MTMR4: variants seen among roughly 807,000 people sequenced by gnomAD.
MTMR4 encodes the protein phosphatidylinositol-3,5-bisphosphate 3-phosphatase MTMR4.
A neutral mutation model predicts 125.5 loss-of-function variants in MTMR4; 30 were observed. The ratio of observed to expected loss-of-function variants is 0.24; its 90% CI spans 0.18 to 0.32. MTMR4 has a LOEUF of 0.32. Among genes scored for constraint, MTMR4 ranks in the 10% least tolerant of loss-of-function variants. The pLI is 1.00. For synonymous variants in MTMR4, 498 were observed against 564.5 expected (o/e 0.88, Z 1.67); for missense variants, 1,039 against 1,511.5 (o/e 0.69, Z 5.18).
chr17:58,505,040 C>G, intron 10 of MTMR4, 66 bp from the exon 11 acceptor site: 1 of 1,444,872 alleles, frequency 6.9e-7, no homozygotes, highest in Non-Finnish European at 9.3e-7. Flanking sequence ...TCTCCACCAT[C>G]CACAGCCAGC....
intron 3 of MTMR4, 108 bp from the exon 4 acceptor site, chr17:58,511,619 T>A (rs1363246587): frequency 1.0e-5 from 9 of 864,060 alleles, no homozygotes; most frequent in Non-Finnish European, 1.7e-5. Flanking sequence ...AAACCAACAT[T>A]TACTGAGGGT....
At chr17:58,492,407 G>A (rs1598209656) in intron 17 of MTMR4, 104 bp downstream of exon 17, 2 of 947,718 alleles carry the variant, frequency 2.1e-6, no homozygotes, top group Admixed American at 2.1e-5. Flanking sequence ...CTCACCTCAT[G>A]ATCCGCCTGC....
At chr17:58,516,588 C>G (rs778342189), upstream of MTMR4, 13 of 1,614,118 alleles carry the variant, frequency 8.1e-6, no homozygotes, top group South Asian at 1.1e-5. Context: ...ACCATTCTAC[C>G]GTGGCAAGGG....
intron 4 of MTMR4, among the ~76,000 whole-genome samples, chr17:58,509,286 A>G (rs1975863207): frequency 1.3e-5 from 2 of 151,366 alleles, no homozygotes; most frequent in South Asian, 4.2e-4. Flanking sequence ...CTCTCTGCCT[A>G]GCCACATCCT....
At position 58,491,536 on chromosome 17, in the gene MTMR4, G is replaced by C; in HGVS notation, c.*127C>G. On this transcript the variant is annotated 3_prime_UTR_variant, in exon 18 of 18. Transcript: ENST00000682306. ...TGCTCCAGTTTCATGATACCAAGGA[G>C]GATTTCTCAAGATGGTATCTCTGAG... The C allele has an allele frequency of 1.0e-6, 1 of 972,864 alleles. No homozygotes were observed. The allele number at this position is 972,864 out of a possible 1,614,324, so 60.3% of individuals were successfully genotyped here.
At chr17:58,500,180 G>A (rs1975583333) in intron 14 of MTMR4, among the ~76,000 whole-genome samples, 2 of 152,222 alleles carry the variant, frequency 1.3e-5, no homozygotes, top group South Asian at 4.1e-4. Context: ...AGGCTGGAGT[G>A]CAATGGCATG....
At chr17:58,496,423 A>G in intron 14 of MTMR4, 93 bp from the exon 15 acceptor site, 1 of 1,067,620 alleles carries the variant, frequency 9.4e-7, no homozygotes, top group Non-Finnish European at 1.3e-6. Flanking sequence ...TCAAAGCCAG[A>G]GTTTAGAAAT....
upstream of MTMR4, among the ~76,000 whole-genome samples, chr17:58,518,106 C>T (rs919173040): frequency 5.9e-5 from 9 of 152,296 alleles, no homozygotes; most frequent in Admixed American, 1.3e-4. Context: ...AGGAAGGAGG[C>T]GCGGCGCCGG....
Position 58,508,301 on chromosome 17 carries a change from T to C in MTMR4, c.594-27A>G, listed in dbSNP as rs779395430. 34 of 1,598,366 alleles carry C rather than the reference T, an allele frequency of 2.1e-5. 1 individual carries two copies. Among genetic ancestry groups the C allele is most frequent in the Non-Finnish European group, 2.2e-5 (26 of 1,165,830 alleles). On this transcript the variant is annotated intron_variant, in intron 6 of 17. Transcript: ENST00000682306. This position sits in a 1 kb window ranked among gnomAD's most constrained non-coding sequence, Gnocchi z 4.8. ...TGAGAAGAGACCAGGTGGGGGTCAC[T>C]GCACTGGGTCTAAAACATGTGATGA... is the stretch of plus-strand genomic sequence containing the variant.
In MTMR4 at chr17:58,512,305, T is replaced by C. The variant is rs1708645751; in HGVS notation, c.252+85A>G. The C allele has an allele frequency of 1.6e-6, 2 of 1,226,432 alleles. No individual in the cohort carries two copies. Among genetic ancestry groups the C allele is most frequent in the South Asian group, 1.2e-5 (1 of 80,930 alleles). 76.0% of individuals were successfully genotyped at this position (1,226,432 alleles called of 1,614,324 possible). On this transcript the variant is annotated intron_variant, in intron 3 of 17. Transcript: ENST00000682306. The surrounding 1 kb of genome is among the most constrained non-coding windows in gnomAD (Gnocchi z 4.1). The stretch of plus-strand genomic sequence containing the variant: ...CCGGCCTCCAACTTTTTTAATGACA[T>C]GATCAAGGACAGCCTTGGAACAATC...
chr17:58,504,004 C>A lies in MTMR4; in HGVS notation c.1698+46G>T. On this transcript the variant is annotated intron_variant, in intron 13 of 17. Coordinates refer to ENST00000682306, the MANE Select transcript of MTMR4 (RefSeq NM_001378067.1). This position sits in a 1 kb window ranked among gnomAD's most constrained non-coding sequence, Gnocchi z 7.1. ...TCCCTACTGACTCAGCTGCTTCTCC[C>A]TATAGGTTTCTAAATAGCACCTACA... 1 of 1,539,254 alleles carries A rather than the reference C, an allele frequency of 6.5e-7. No homozygotes were observed. The highest frequency in any genetic ancestry group is 1.3e-5 in the South Asian group (1 of 78,364).
Position 58,503,755 on chromosome 17 carries a change from G to A in MTMR4, c.1842C>T (p.Arg614=), listed in dbSNP as rs1336690437. ...PVAQSQEFSG[R]SLDRLPKTRS... Reference sequence around the variant, plus strand: ...AGGGCTTTTCTTACCTGTCCAGAGAGCGGCCAGAGAACTCCTGGCTCTGGG... The same window carrying A: ...AGGGCTTTTCTTACCTGTCCAGAGAACGGCCAGAGAACTCCTGGCTCTGGG... The change falls in exon 14 of 18, where the codon CGC becomes CGT. Residue 614 remains arginine, a synonymous_variant. Transcript: ENST00000682306. 2 of 1,613,830 alleles carry A rather than the reference G, an allele frequency of 1.2e-6. No individual in the cohort carries two copies. The highest frequency in any genetic ancestry group is 3.3e-5 in the Admixed American group (2 of 59,980).
chr17:58,508,384 G>C lies in MTMR4; in HGVS notation c.593+84C>G. 6.4e-6 allele frequency: 10 copies of C among 1,556,602 alleles called. No individual in the cohort carries two copies. The South Asian group carries it at 1.0e-4, about 16-fold the overall frequency. On this transcript the variant is annotated intron_variant, in intron 6 of 17. Transcript: ENST00000682306. The surrounding 1 kb of genome is among the most constrained non-coding windows in gnomAD (Gnocchi z 4.8). ...AAACCATGAGCCTTCCTCCCTCTCAGACTCAGAAGCTGTGCCCACCACACT... is the reference window on the plus strand; with the variant it reads ...AAACCATGAGCCTTCCTCCCTCTCACACTCAGAAGCTGTGCCCACCACACT...
Position 58,490,425 on chromosome 17 carries a change from A to G in MTMR4, c.*1238T>C, listed in dbSNP as rs1478810627. The G allele has an allele frequency of 6.6e-6, 1 of 152,664 alleles. No homozygotes were observed. The highest frequency in any genetic ancestry group is 2.4e-5 in the African/African-American group (1 of 41,456). The allele number at this position is 152,664 out of a possible 1,614,324, so 9.5% of individuals were successfully genotyped here. On this transcript the variant is annotated 3_prime_UTR_variant, in exon 18 of 18. Coordinates refer to ENST00000682306, the MANE Select transcript of MTMR4 (RefSeq NM_001378067.1). Reference sequence around the variant, plus strand: ...ATGAAAAAAAACAAAAACAAAAACAAAAAAACAAAATAAAATTTTTTAAAA... The same window carrying G: ...ATGAAAAAAAACAAAAACAAAAACAGAAAAACAAAATAAAATTTTTTAAAA...
chr17:58,514,480 C>A lies in MTMR4; in HGVS notation c.-73G>T. On this transcript the variant is annotated 5_prime_UTR_variant, in exon 1 of 18. Coordinates refer to ENST00000682306, the MANE Select transcript of MTMR4 (RefSeq NM_001378067.1). ...CTGCCCGCCAGCCCCGGGCGCCCGC[C>A]GCATCCCGGCTGCGGGGCTCGCCAG... The A allele has an allele frequency of 1.0e-6, 1 of 984,902 alleles. No homozygotes were observed. The highest frequency in any genetic ancestry group is 4.7e-5 in the South Asian group (1 of 21,286). The allele number at this position is 984,902 out of a possible 1,614,324, so 61.0% of individuals were successfully genotyped here. A position where few individuals can be genotyped will look rare whatever the true frequency, so the allele number is the denominator to read the frequency against.
At chr17:58,513,832 G>C (rs534358881) in intron 1 of MTMR4, among the ~76,000 whole-genome samples, 6 of 151,550 alleles carry the variant, frequency 4.0e-5, no homozygotes, top group African/African-American at 1.5e-4. Flanking sequence ...CAGAGGTACG[G>C]AACCCTGCAG....
intron 4 of MTMR4, among the ~76,000 whole-genome samples, chr17:58,509,898 G>C (rs142860273): frequency 1.4e-4 from 21 of 152,228 alleles, no homozygotes; most frequent in African/African-American, 5.1e-4. Context: ...ATAAACCTTG[G>C]AGTCATCCAG....
At chr17:58,498,996 A>G (rs1197731984) in intron 14 of MTMR4, among the ~76,000 whole-genome samples, 1 of 152,110 alleles carries the variant, frequency 6.6e-6, no homozygotes, top group Non-Finnish European at 1.5e-5. Flanking sequence ...GAACTACTAC[A>G]GCAGTGCTGG....
chr17:58,513,545 T>G (rs962501863), intron 1 of MTMR4, among the ~76,000 whole-genome samples: 1 of 152,122 alleles, frequency 6.6e-6, no homozygotes, highest in African/African-American at 2.4e-5. Flanking sequence ...CCCCATTACC[T>G]GCCAAGTAAC....
Sources: gnomAD v4.1 joint callset for allele counts (sites outside exome capture counted in the v4.1 genomes callset) on GRCh38, gnomAD v4.1.1 for gene constraint, Gnocchi (gnomAD v3.1) non-coding constraint, MANE v1.5 for transcripts, NCBI Gene and HGNC (gene_info 2026-07-23, HGNC 2026-07-21) for gene names.